BBX: variants seen among roughly 807,000 people sequenced by gnomAD.
BBX encodes BBX high mobility group box domain containing.
In BBX, 30 loss-of-function variants were observed where a neutral mutation model predicts 100.2. The ratio of observed to expected loss-of-function variants is 0.30; its 90% confidence interval spans 0.22 to 0.41. The LOEUF (loss-of-function observed/expected upper bound fraction) is 0.41, where lower values mean the gene tolerates loss of function less well. Among genes scored for constraint, BBX ranks in the 10% least tolerant of loss-of-function variants. BBX has a pLI of 1.00. For synonymous variants in BBX, 376 were observed against 388.1 expected (o/e 0.97, Z 0.37); for missense variants, 1,023 against 1,129.8 (o/e 0.91, Z 1.35).
At chr3:107,584,052 TATTATATATATCATATATTATATA>T (rs1317556309) in intron 2 of BBX, among the ~76,000 whole-genome samples, 7,477 of 43,190 alleles carry the variant, frequency 0.17, 1,449 homozygotes, top group Non-Finnish European at 0.22. Context: ...ATATTATATA[TATTATATATATCATATATTATATA>T]TATTATATAT....
intron 6 of BBX, among the ~76,000 whole-genome samples, chr3:107,731,407 A>G (rs774512254): frequency 1.3e-5 from 2 of 152,186 alleles, no homozygotes; most frequent in Non-Finnish European, 2.9e-5. Flanking sequence ...TTTACTTTCT[A>G]CTAAATTCAT....
chr3:107,528,385 T>G (rs1001774028), intron 2 of BBX, among the ~76,000 whole-genome samples: 1 of 152,198 alleles, frequency 6.6e-6, no homozygotes, highest in African/African-American at 2.4e-5. Flanking sequence ...CTATATTGTT[T>G]CCTAGTGTTA....
chr3:107,544,122 G>A (rs1016815955), intron 2 of BBX, among the ~76,000 whole-genome samples: 1 of 152,180 alleles, frequency 6.6e-6, no homozygotes, highest in South Asian at 2.1e-4. Flanking sequence ...CCTTATCAGA[G>A]TTCTGCTCCT....
intron 2 of BBX, among the ~76,000 whole-genome samples, chr3:107,570,462 T>C (rs1489705831): frequency 5.9e-5 from 9 of 152,116 alleles, no homozygotes; most frequent in Admixed American, 5.9e-4. Flanking sequence ...ATGAACTGGG[T>C]TGAGTTTTTA....
intron 9 of BBX, 80 bp downstream of exon 9, chr3:107,748,119 A>G (rs2107630909): frequency 8.1e-7 from 1 of 1,229,042 alleles, no homozygotes; most frequent in Non-Finnish European, 1.2e-6. Flanking sequence ...TTAATAATGT[A>G]TAGTGAACTT....
chr3:107,729,038 G>C lies in BBX; in HGVS notation c.601+78G>C. 9.0e-6 allele frequency: 13 copies of C among 1,446,134 alleles called. No individual in the cohort carries two copies. The South Asian group carries it at 1.7e-4, about 19-fold the overall frequency. 89.6% of individuals were successfully genotyped at this position (1,446,134 alleles called of 1,614,324 possible). On this transcript the variant is annotated intron_variant, in intron 6 of 17. Coordinates refer to ENST00000325805, the MANE Select transcript of BBX (RefSeq NM_001142568.3). ...CGGCAGCATTTTAAACAATACTGAGGGCGGGGGGACAAAATTTATAACCAA... is the reference window on the plus strand; with the variant it reads ...CGGCAGCATTTTAAACAATACTGAGCGCGGGGGGACAAAATTTATAACCAA...
At chr3:107,631,633 G>A (rs1263212766) in intron 2 of BBX, among the ~76,000 whole-genome samples, 1 of 151,430 alleles carries the variant, frequency 6.6e-6, no homozygotes, top group Non-Finnish European at 1.5e-5. Flanking sequence ...TCATTTTTGT[G>A]GGATCTCTTA....
At chr3:107,605,391 G>T (rs951087563) in intron 2 of BBX, among the ~76,000 whole-genome samples, 4 of 151,084 alleles carry the variant, frequency 2.6e-5, no homozygotes, top group Admixed American at 2.6e-4. Context: ...TTTTTTGGGG[G>T]GGGGATTTAA....
In BBX at chr3:107,629,634, T is replaced by C. The variant is rs141941242; in HGVS notation, c.-83-16202T>C. ...CATTCAGTGCCAAACGTGTTCCATC[T>C]ATTTAATAGTAATCATGGCATACTT... On this transcript the variant is annotated intron_variant, in intron 2 of 17. Transcript: ENST00000325805. Among the ~76,000 whole-genome samples the C allele has an allele frequency of 1.7e-3, 257 of 152,304 alleles. 2 individuals carry two copies. The highest frequency in any genetic ancestry group is 5.9e-3 in the African/African-American group (244 of 41,562).
In BBX at chr3:107,541,078, C is replaced by T. The variant is rs185994331; in HGVS notation, c.-84+14680C>T. ...AGCATGCCTCGTTGGCTCTCTTATACTTGTTATTGCAACTTAGACTTTACA... is the reference window on the plus strand; with the variant it reads ...AGCATGCCTCGTTGGCTCTCTTATATTTGTTATTGCAACTTAGACTTTACA... On this transcript the variant is annotated intron_variant, in intron 2 of 17. Transcript: ENST00000325805. Among the ~76,000 whole-genome samples, 64 of 152,262 alleles carry T rather than the reference C, an allele frequency of 4.2e-4. 1 individual carries two copies. Among genetic ancestry groups the T allele is most frequent in the Non-Finnish European group, 4.4e-5 (3 of 68,010 alleles).
At position 107,767,144 on chromosome 3, in the gene BBX, T is replaced by C. The variant is rs76663837; in HGVS notation, c.907-5484T>C. 2.7e-3 allele frequency among the ~76,000 whole-genome samples: 411 copies of C among 152,366 alleles called. 8 individuals are homozygous for C. The East Asian group carries it at 0.065, about 24-fold the overall frequency. On this transcript the variant is annotated intron_variant, in intron 10 of 17. Coordinates refer to ENST00000325805, the MANE Select transcript of BBX (RefSeq NM_001142568.3). ...GCAGCAGACCACCATGGCATGTTTA[T>C]ACCTATGTGACAACTGTGCACATTC...
chr3:107,784,782 C>G (rs945311377), intron 13 of BBX, among the ~76,000 whole-genome samples: 4 of 151,120 alleles, frequency 2.6e-5, no homozygotes, highest in Non-Finnish European at 4.4e-5. Context: ...TCAAAGGAAG[C>G]AGAAGAAAGG....
intron 2 of BBX, among the ~76,000 whole-genome samples, chr3:107,622,887 T>C (rs1288820920): frequency 2.0e-5 from 3 of 152,204 alleles, no homozygotes; most frequent in East Asian, 1.9e-4. Flanking sequence ...GTGGTTCCTA[T>C]GTCAGTTCAG....
chr3:107,684,154 A>G lies in BBX; in HGVS notation c.-9-26298A>G, dbSNP rs571447807. ...CAATACCTATTGCAGGTAAGAAACT[A>G]TTTTTTAACAAATATTATAATGTGG... On this transcript the variant is annotated intron_variant, in intron 3 of 17. Transcript: ENST00000325805. Among the ~76,000 whole-genome samples the G allele has an allele frequency of 9.2e-5, 14 of 152,296 alleles. 1 individual carries two copies. Among genetic ancestry groups the G allele is most frequent in the South Asian group, 2.1e-4 (1 of 4,828 alleles).
At chr3:107,796,500 G>C (rs1031080680) in intron 15 of BBX, among the ~76,000 whole-genome samples, 5 of 152,202 alleles carry the variant, frequency 3.3e-5, no homozygotes, top group African/African-American at 1.2e-4. Flanking sequence ...CCTGTAATCA[G>C]AAGGGACAGC....
chr3:107,554,054 T>A (rs759519322), intron 2 of BBX, among the ~76,000 whole-genome samples: 1 of 152,208 alleles, frequency 6.6e-6, no homozygotes, highest in Non-Finnish European at 1.5e-5. Context: ...TTTTCACAAT[T>A]CCTGAAGTTG....
At chr3:107,613,993 C>T (rs973040677) in intron 2 of BBX, among the ~76,000 whole-genome samples, 2 of 126,748 alleles carry the variant, frequency 1.6e-5, no homozygotes, top group Admixed American at 1.8e-4. Context: ...CTCTCTGTCA[C>T]CAGGCTGGAG....
chr3:107,709,104 T>C (rs2061561150), intron 3 of BBX, among the ~76,000 whole-genome samples: 1 of 152,156 alleles, frequency 6.6e-6, no homozygotes, highest in South Asian at 2.1e-4. Flanking sequence ...ATTTAATAAA[T>C]GGTATTGGTA....
chr3:107,749,359 T>C (rs981481295), intron 9 of BBX, among the ~76,000 whole-genome samples: 2 of 152,250 alleles, frequency 1.3e-5, no homozygotes, highest in African/African-American at 4.8e-5. Context: ...TGACTAAATT[T>C]ATTTTTAATG....
Sources: gnomAD v4.1 joint callset for allele counts (sites outside exome capture counted in the v4.1 genomes callset) on GRCh38, gnomAD v4.1.1 for gene constraint, MANE v1.5 for transcripts, NCBI Gene and HGNC (gene_info 2026-07-23, HGNC 2026-07-21) for gene names.